KCNQ1OT1: variants seen among roughly 807,000 people sequenced by gnomAD.
KCNQ1OT1 encodes KCNQ1 opposite strand/antisense transcript 1, also known as KCNQ1 antisense RNA 2 (non-protein coding).
Position 2,678,644 on chromosome 11 carries a change from A to G in KCNQ1OT1, n.21351T>C, listed in dbSNP as rs1410569366. 7.6e-6 allele frequency: 3 copies of G among 395,070 alleles called. No individual in the cohort carries two copies. The highest frequency in any genetic ancestry group is 6.4e-5 in the African/African-American group (3 of 46,938). 24.5% of individuals were successfully genotyped at this position (395,070 alleles called of 1,614,324 possible). On this transcript the variant is annotated non_coding_transcript_exon_variant, in exon 1 of 1. Coordinates refer to ENST00000597346, the Ensembl canonical transcript of KCNQ1OT1. The surrounding 1 kb of genome is among the most constrained non-coding windows in gnomAD (Gnocchi z 4.9). ...CTTAAGAGCCAATAATGGGAAGCTCATTTTCACAAATGCAGTCAACCAGGG... is the reference window on the plus strand; with the variant it reads ...CTTAAGAGCCAATAATGGGAAGCTCGTTTTCACAAATGCAGTCAACCAGGG...
Position 2,651,249 on chromosome 11 carries a change from A to G in KCNQ1OT1, n.48746T>C. The stretch of plus-strand genomic sequence containing the variant: ...ACAGCACACACAGCTTAATTCAGGA[A>G]TTAAGCTGTGCTGGTCACTTATTGA... On this transcript the variant is annotated non_coding_transcript_exon_variant, in exon 1 of 1. Transcript: ENST00000597346. The surrounding 1 kb of genome is among the most constrained non-coding windows in gnomAD (Gnocchi z 6.1). 2.5e-6 allele frequency: 1 copy of G among 398,672 alleles called. No homozygotes were observed. Among genetic ancestry groups the G allele is most frequent in the East Asian group, 3.6e-5 (1 of 28,082 alleles). 24.7% of individuals were successfully genotyped at this position (398,672 alleles called of 1,614,324 possible).
chr11:2,676,768 A>G lies in KCNQ1OT1; in HGVS notation n.23227T>C. 1 of 398,644 alleles carries G rather than the reference A, an allele frequency of 2.5e-6. No individual in the cohort carries two copies. The highest frequency in any genetic ancestry group is 4.4e-6 in the Non-Finnish European group (1 of 226,072). The allele number at this position is 398,644 out of a possible 1,614,324, so 24.7% of individuals were successfully genotyped here. On this transcript the variant is annotated non_coding_transcript_exon_variant, in exon 1 of 1. Transcript: ENST00000597346. The surrounding 1 kb of genome is among the most constrained non-coding windows in gnomAD (Gnocchi z 4.2). ...ATGGTCTGCTGTATGAAGCAACCCTAGGACATTTGAAGAGAATGGAGTGAT... is the reference window on the plus strand; with the variant it reads ...ATGGTCTGCTGTATGAAGCAACCCTGGGACATTTGAAGAGAATGGAGTGAT...
At chr11:2,667,685 C>T (rs1850105290) in exon 1 of KCNQ1OT1, 3 of 398,612 alleles carry the variant, frequency 7.5e-6, no homozygotes, top group South Asian at 1.3e-4. Context: ...GGCTGAAGCA[C>T]GGAGGTGACC....
chr11:2,665,054 G>C (rs896170554), exon 1 of KCNQ1OT1: 5 of 398,582 alleles, frequency 1.3e-5, no homozygotes, highest in African/African-American at 1.0e-4. Context: ...ATGCAAGCTA[G>C]GGAGTCATGA....
In KCNQ1OT1 at chr11:2,624,083, T is replaced by C. The variant is rs1849222820; in HGVS notation, n.75912A>G. The stretch of plus-strand genomic sequence containing the variant: ...CCCACATATTGGCAAGTATTTGGTA[T>C]TGTCAGTGTTTTGAATTTTGGCCAT... On this transcript the variant is annotated non_coding_transcript_exon_variant, in exon 1 of 1. Coordinates refer to ENST00000597346, the Ensembl canonical transcript of KCNQ1OT1. The surrounding 1 kb of genome is among the most constrained non-coding windows in gnomAD (Gnocchi z 4.9). 1 of 398,572 alleles carries C rather than the reference T, an allele frequency of 2.5e-6. No homozygotes were observed. The highest frequency in any genetic ancestry group is 4.4e-5 in the Admixed American group (1 of 22,710). The allele number at this position is 398,572 out of a possible 1,614,324, so 24.7% of individuals were successfully genotyped here.
chr11:2,666,160 C>T, exon 1 of KCNQ1OT1: 1 of 398,646 alleles, frequency 2.5e-6, no homozygotes, highest in Non-Finnish European at 4.4e-6. Flanking sequence ...ATGGGCAAGC[C>T]CCAGCTCGAG....
exon 1 of KCNQ1OT1, chr11:2,629,791 T>C: frequency 2.5e-6 from 1 of 398,486 alleles, no homozygotes. Flanking sequence ...GCCACTTTAC[T>C]GAGTTAGATT....
At chr11:2,628,473 A>G in exon 1 of KCNQ1OT1, 1 of 398,292 alleles carries the variant, frequency 2.5e-6, no homozygotes, top group Non-Finnish European at 4.4e-6. Flanking sequence ...GTCCATCTTA[A>G]CAGGTTATTA....
chr11:2,699,093 C>T (rs182342351), exon 1 of KCNQ1OT1: 25 of 398,626 alleles, frequency 6.3e-5, no homozygotes, highest in Admixed American at 8.8e-5. Context: ...AACTTCCATC[C>T]CAATAGCGCG....
rs1207838567 is a variant in KCNQ1OT1, at chr11:2,617,468, A to G, written n.82527T>C. 1 of 398,330 alleles carries G rather than the reference A, an allele frequency of 2.5e-6. No homozygotes were observed. The highest frequency in any genetic ancestry group is 2.1e-5 in the African/African-American group (1 of 48,610). The allele number at this position is 398,330 out of a possible 1,614,324, so 24.7% of individuals were successfully genotyped here. On this transcript the variant is annotated non_coding_transcript_exon_variant, in exon 1 of 1. Coordinates refer to ENST00000597346, the Ensembl canonical transcript of KCNQ1OT1. This position sits in a 1 kb window ranked among gnomAD's most constrained non-coding sequence, Gnocchi z 4.6. ...ACACACCACAGTTTAGTCATCCATC[A>G]ATGGACACGTAAGTTTTCATATCGT...
exon 1 of KCNQ1OT1, chr11:2,693,893 C>G (rs746879458): frequency 2.0e-4 from 81 of 398,678 alleles, no homozygotes; most frequent in Middle Eastern, 6.2e-4. Context: ...CCTACTCGTC[C>G]TCCTCCTGGA....
chr11:2,654,027 C>A lies in KCNQ1OT1; in HGVS notation n.45968G>T, dbSNP rs1849798128. On this transcript the variant is annotated non_coding_transcript_exon_variant, in exon 1 of 1. Coordinates refer to ENST00000597346, the Ensembl canonical transcript of KCNQ1OT1. The surrounding 1 kb of genome is among the most constrained non-coding windows in gnomAD (Gnocchi z 6.4). ...TGTGAATATACATTTTCACTCCATT[C>A]CTCGCCTTGTTCCTGGCAGCTGTTG... The A allele has an allele frequency of 5.0e-6, 2 of 398,596 alleles. No individual in the cohort carries two copies. Among genetic ancestry groups the A allele is most frequent in the South Asian group, 2.5e-4 (2 of 7,856 alleles). The allele number at this position is 398,596 out of a possible 1,614,324, so 24.7% of individuals were successfully genotyped here.
chr11:2,658,201 A>G lies in KCNQ1OT1; in HGVS notation n.41794T>C. The G allele has an allele frequency of 2.5e-6, 1 of 398,586 alleles. No homozygotes were observed. 24.7% of individuals were successfully genotyped at this position (398,586 alleles called of 1,614,324 possible). A position where few individuals can be genotyped will look rare whatever the true frequency, so the allele number is the denominator to read the frequency against. On this transcript the variant is annotated non_coding_transcript_exon_variant, in exon 1 of 1. Coordinates refer to ENST00000597346, the Ensembl canonical transcript of KCNQ1OT1. This position sits in a 1 kb window ranked among gnomAD's most constrained non-coding sequence, Gnocchi z 4.9. Reference sequence around the variant, plus strand: ...TGAAGTTTCTGAGTTTCACTAACTAATTTCAGCATTCATTCATGGATCGTT... The same window carrying G: ...TGAAGTTTCTGAGTTTCACTAACTAGTTTCAGCATTCATTCATGGATCGTT...
Position 2,668,752 on chromosome 11 carries a change from CCTT to C in KCNQ1OT1, n.31240_31242del, listed in dbSNP as rs1271822446. ...ATATCGCCTCCCCCTCTGCAGGCTG[CCTT>C]CTTCCTCTCTTGATGGTGTCTTTTG... is the stretch of plus-strand genomic sequence containing the variant. On this transcript the variant is annotated non_coding_transcript_exon_variant, in exon 1 of 1. Transcript: ENST00000597346. The surrounding 1 kb of genome is among the most constrained non-coding windows in gnomAD (Gnocchi z 4.3). The C allele has an allele frequency of 1.5e-5, 6 of 398,500 alleles. No individual in the cohort carries two copies. Among genetic ancestry groups the C allele is most frequent in the Non-Finnish European group, 2.2e-5 (5 of 226,072 alleles). The allele number at this position is 398,500 out of a possible 1,614,324, so 24.7% of individuals were successfully genotyped here.
In KCNQ1OT1 at chr11:2,664,362, GA is replaced by G; in HGVS notation, n.35632del. 1 of 398,848 alleles carries G rather than the reference GA, an allele frequency of 2.5e-6. No homozygotes were observed. 24.7% of individuals were successfully genotyped at this position (398,848 alleles called of 1,614,324 possible). Reference sequence around the variant, plus strand: ...GGGGAGCTGGGTTCCTGCATCCTCAGAAGTCAGGGTACGGTCCCTCCAGAGA... The same window carrying G: ...GGGGAGCTGGGTTCCTGCATCCTCAGAGTCAGGGTACGGTCCCTCCAGAGA... On this transcript the variant is annotated non_coding_transcript_exon_variant, in exon 1 of 1. Coordinates refer to ENST00000597346, the Ensembl canonical transcript of KCNQ1OT1. This position sits in a 1 kb window ranked among gnomAD's most constrained non-coding sequence, Gnocchi z 5.1.
rs1850658575 is a variant in KCNQ1OT1 at position 2,695,505 on chromosome 11, C to T, written n.4490G>A. ...TGTGAAGTGTACATCTAGTCCCCTGCTCCTAACCACAGTGACCAGCTCCAA... is the reference window on the plus strand; with the variant it reads ...TGTGAAGTGTACATCTAGTCCCCTGTTCCTAACCACAGTGACCAGCTCCAA... On this transcript the variant is annotated non_coding_transcript_exon_variant, in exon 1 of 1. Transcript: ENST00000597346. This position sits in a 1 kb window ranked among gnomAD's most constrained non-coding sequence, Gnocchi z 5.2. 2.5e-6 allele frequency: 1 copy of T among 398,694 alleles called. No homozygotes were observed. Among genetic ancestry groups the T allele is most frequent in the Non-Finnish European group, 4.4e-6 (1 of 226,128 alleles). 24.7% of individuals were successfully genotyped at this position (398,694 alleles called of 1,614,324 possible). A position where few individuals can be genotyped will look rare whatever the true frequency, so the allele number is the denominator to read the frequency against.
rs2133872027 is a variant in KCNQ1OT1 at position 2,674,261 on chromosome 11, G to GC, written n.25733dup. Reference sequence around the variant, plus strand: ...CAGAGCTGGAGGCCCCTCTCTCCCAGCCCCCGGCACACACACTAGGACCTT... The same window carrying GC: ...CAGAGCTGGAGGCCCCTCTCTCCCAGCCCCCCGGCACACACACTAGGACCTT... On this transcript the variant is annotated non_coding_transcript_exon_variant, in exon 1 of 1. Coordinates refer to ENST00000597346, the Ensembl canonical transcript of KCNQ1OT1. The surrounding 1 kb of genome is among the most constrained non-coding windows in gnomAD (Gnocchi z 5.9). 2.5e-6 allele frequency: 1 copy of GC among 398,660 alleles called. No individual in the cohort carries two copies. The highest frequency in any genetic ancestry group is 3.6e-5 in the East Asian group (1 of 28,062). The allele number at this position is 398,660 out of a possible 1,614,324, so 24.7% of individuals were successfully genotyped here.
Position 2,673,198 on chromosome 11 carries a change from G to C in KCNQ1OT1, n.26797C>G, listed in dbSNP as rs577482044. On this transcript the variant is annotated non_coding_transcript_exon_variant, in exon 1 of 1. Transcript: ENST00000597346. The surrounding 1 kb of genome is among the most constrained non-coding windows in gnomAD (Gnocchi z 4.5). ...GGCCCTGGAGCCAAGGCCAAAAGCC[G>C]AACTGTGACTAGGCAAGCTGAGTCC... is the stretch of plus-strand genomic sequence containing the variant. The C allele has an allele frequency of 1.5e-5, 6 of 398,554 alleles. No individual in the cohort carries two copies. The Admixed American group carries it at 1.8e-4, about 12-fold the overall frequency. The allele number at this position is 398,554 out of a possible 1,614,324, so 24.7% of individuals were successfully genotyped here.
chr11:2,608,657 T>G lies in KCNQ1OT1; in HGVS notation n.91338A>C. 1 of 398,558 alleles carries G rather than the reference T, an allele frequency of 2.5e-6. No homozygotes were observed. Among genetic ancestry groups the G allele is most frequent in the Non-Finnish European group, 4.4e-6 (1 of 226,042 alleles). The allele number at this position is 398,558 out of a possible 1,614,324, so 24.7% of individuals were successfully genotyped here. A position where few individuals can be genotyped will look rare whatever the true frequency, so the allele number is the denominator to read the frequency against. ...CAAAAAATATTTTGTAGAGATAGGG[T>G]CTTGCTTTGTTGTGCATGCTATTCT... On this transcript the variant is annotated non_coding_transcript_exon_variant, in exon 1 of 1. Coordinates refer to ENST00000597346, the Ensembl canonical transcript of KCNQ1OT1. This position sits in a 1 kb window ranked among gnomAD's most constrained non-coding sequence, Gnocchi z 4.6.
Sources: allele counts gnomAD v4.1 joint callset, GRCh38; gene constraint gnomAD v4.1.1; non-coding constraint Gnocchi (gnomAD v3.1); transcripts MANE v1.5; gene names NCBI Gene and HGNC (gene_info 2026-07-23, HGNC 2026-07-21).